Variants in VEPH1 observed in about 807,000 individuals in gnomAD.
VEPH1 encodes ventricular zone expressed PH domain containing 1.
VEPH1 carries 80 observed loss-of-function variants against 85.2 expected under a neutral mutation model. That is an observed-to-expected ratio of 0.94 (90% CI 0.78 to 1.13). The LOEUF is 1.13. VEPH1 is among the 50% of genes most tolerant of loss of function. The pLI is 0.00. For synonymous variants in VEPH1, 297 were observed against 348.0 expected, an observed-to-expected ratio of 0.85 and a Z score of 1.63; for missense variants, 955 against 980.5, an observed-to-expected ratio of 0.97 and a Z score of 0.35.
At chr3:157,337,563 T>C (rs1723081374) in intron 9 of VEPH1, among the ~76,000 whole-genome samples, 2 of 152,220 alleles carry the variant, frequency 1.3e-5, no homozygotes, top group African/African-American at 4.8e-5. Context: ...ATATCATTTC[T>C]AAAAGTGGTA....
At chr3:157,272,380 TTTCTTTCTTTCTTTCTTTC>T (rs1714772782) in intron 12 of VEPH1, among the ~76,000 whole-genome samples, 5 of 99,182 alleles carry the variant, frequency 5.0e-5, no homozygotes, top group South Asian at 3.6e-4. Context: ...CTTTCTTTTC[TTTCTTTCTTTCTTTCTTTC>T]TTTCTTTCTT....
chr3:157,337,012 C>T (rs1334268423), intron 9 of VEPH1, among the ~76,000 whole-genome samples: 7 of 151,970 alleles, frequency 4.6e-5, no homozygotes, highest in Non-Finnish European at 1.0e-4. Context: ...ATAATATAAA[C>T]ATTTTTCTGT....
At chr3:157,299,559 C>CAAAAAAAAAAAA (rs10535235) in intron 11 of VEPH1, among the ~76,000 whole-genome samples, 2 of 103,112 alleles carry the variant, frequency 1.9e-5, no homozygotes, top group African/African-American at 3.9e-5. Context: ...GGCCCTGTCT[C>CAAAAAAAAAAAA]AAAAAAAAAA....
chr3:157,430,247 T>C lies in VEPH1; in HGVS notation c.530-1759A>G, dbSNP rs79417305. On this transcript the variant is annotated intron_variant, in intron 4 of 13. Transcript: ENST00000362010. ...GATCTCCATAAGTATTTTTACACTT[T>C]AATTACATGCGTATGTATCAATAAA... is the stretch of plus-strand genomic sequence containing the variant. Among the ~76,000 whole-genome samples, 646 of 152,324 alleles carry C rather than the reference T, an allele frequency of 4.2e-3. 4 individuals carry two copies. The highest frequency in any genetic ancestry group is 0.015 in the African/African-American group (617 of 41,566).
intron 12 of VEPH1, among the ~76,000 whole-genome samples, chr3:157,277,862 T>C (rs1715596392): frequency 6.6e-6 from 1 of 152,214 alleles, no homozygotes; most frequent in East Asian, 1.9e-4. Context: ...ACAAAAGAGA[T>C]GCTGTAAATG....
In VEPH1 at chr3:157,364,426, A is replaced by G; in HGVS notation, c.1214T>C (p.Leu405Pro). The change falls in exon 8 of 14, where the codon CTC (leucine) becomes CCC (proline). Residue 405 changes from leucine (L) to proline (P), a missense_variant. By Grantham distance (98) the Leu-to-Pro change is moderately conservative (BLOSUM62 -3). Transcript: ENST00000362010. ...TTCAAAAGCCTGGATTTTAACTTGG[A>G]GTTTTTCATGGTCTTCATTTTCAGT... is the stretch of plus-strand genomic sequence containing the variant. ...IVTENEDHEK[L>P]QVKIQAFEDK... is the part of the protein sequence containing the mutation. 6.2e-7 allele frequency: 1 copy of G among 1,613,922 alleles called. No individual in the cohort carries two copies. Among genetic ancestry groups the G allele is most frequent in the South Asian group, 1.1e-5 (1 of 91,064 alleles).
intron 9 of VEPH1, among the ~76,000 whole-genome samples, chr3:157,343,758 C>T (rs1186290961): frequency 2.0e-5 from 3 of 152,200 alleles, no homozygotes; most frequent in Non-Finnish European, 4.4e-5. Flanking sequence ...CCCTGATGAA[C>T]ATCGACGCAA....
At chr3:157,337,673 C>G (rs1723096782) in intron 9 of VEPH1, among the ~76,000 whole-genome samples, 1 of 152,096 alleles carries the variant, frequency 6.6e-6, no homozygotes, top group African/African-American at 2.4e-5. Context: ...AATACCTTCA[C>G]TAGAATTTTT....
At chr3:157,353,945 C>T (rs1725154380) in intron 9 of VEPH1, among the ~76,000 whole-genome samples, 1 of 152,058 alleles carries the variant, frequency 6.6e-6, no homozygotes, top group Non-Finnish European at 1.5e-5. Flanking sequence ...AGAAGCAGAA[C>T]AGGAAAGATT....
intron 2 of VEPH1, among the ~76,000 whole-genome samples, chr3:157,477,172 T>C (rs1737550249): frequency 6.6e-6 from 1 of 151,078 alleles, no homozygotes; most frequent in Non-Finnish European, 1.5e-5. Flanking sequence ...GCTGGTGCCC[T>C]CTGGAGGCTC....
chr3:157,489,938 A>T (rs1739068643), intron 2 of VEPH1, among the ~76,000 whole-genome samples: 1 of 152,026 alleles, frequency 6.6e-6, no homozygotes, highest in Non-Finnish European at 1.5e-5. Flanking sequence ...ATATAATTTT[A>T]AAAAAGAATA....
chr3:157,361,725 G>T (rs1414283863), intron 9 of VEPH1, among the ~76,000 whole-genome samples: 2 of 152,216 alleles, frequency 1.3e-5, no homozygotes, highest in East Asian at 3.8e-4. Context: ...AGAAAAGTGA[G>T]TCTGCCCTAG....
At chr3:157,372,878 TTTC>T (rs1727671114) in intron 7 of VEPH1, among the ~76,000 whole-genome samples, 1 of 152,192 alleles carries the variant, frequency 6.6e-6, no homozygotes, top group South Asian at 2.1e-4. Flanking sequence ...AACTTCTTAT[TTTC>T]TTATTTTTAA....
At chr3:157,349,708 G>A (rs1724637448) in intron 9 of VEPH1, among the ~76,000 whole-genome samples, 1 of 151,994 alleles carries the variant, frequency 6.6e-6, no homozygotes, top group African/African-American at 2.4e-5. Context: ...AAAATCATTA[G>A]TGTTTCTATA....
At chr3:157,273,614 A>T (rs569024246) in intron 12 of VEPH1, among the ~76,000 whole-genome samples, 1 of 152,270 alleles carries the variant, frequency 6.6e-6, no homozygotes, top group African/African-American at 2.4e-5. Flanking sequence ...AGGAACTGTA[A>T]CTCATTCTGG....
chr3:157,487,361 A>G (rs1738744607), intron 2 of VEPH1, among the ~76,000 whole-genome samples: 1 of 152,162 alleles, frequency 6.6e-6, no homozygotes. Context: ...AATTGCTTAG[A>G]AAATATACTT....
intron 1 of VEPH1, 130 bp downstream of exon 1, chr3:157,503,147 G>C (rs1277712446): frequency 6.6e-6 from 1 of 152,190 alleles, no homozygotes; most frequent in African/African-American, 2.4e-5. Context: ...TGCATAATCA[G>C]CCAGCCCCTG....
intron 9 of VEPH1, among the ~76,000 whole-genome samples, chr3:157,334,292 A>G (rs16827507): frequency 0.14 from 21,733 of 152,132 alleles, 3,041 homozygotes; most frequent in African/African-American, 0.36. Flanking sequence ...TGTGCAGCCA[A>G]TTCTCGGGAT....
chr3:157,387,581 GCT>G (rs1331643427), intron 6 of VEPH1, among the ~76,000 whole-genome samples: 1 of 152,148 alleles, frequency 6.6e-6, no homozygotes, highest in Non-Finnish European at 1.5e-5. Context: ...AGCTCTGTAG[GCT>G]GCAGCCCTCC....
Sources: gnomAD v4.1 joint callset for allele counts (sites outside exome capture counted in the v4.1 genomes callset) on GRCh38, gnomAD v4.1.1 for gene constraint, MANE v1.5 for transcripts, NCBI Gene and HGNC (gene_info 2026-07-23, HGNC 2026-07-21) for gene names.